Variants in EPHA4 observed in about 807,000 individuals in gnomAD.
EPHA4 encodes the protein EPH receptor A4.
A neutral mutation model predicts 108.3 loss-of-function variants in EPHA4; 19 were observed. The observed-to-expected ratio is 0.18, with a 90% CI of 0.12 to 0.26. The LOEUF (loss-of-function observed/expected upper bound fraction) is 0.26, where lower values mean the gene tolerates loss of function less well. Ranked by LOEUF, EPHA4 falls within the 10% of genes least tolerant of loss-of-function variation. The pLI is 1.00. For synonymous variants in EPHA4, 449 were observed against 455.5 expected, an observed-to-expected ratio of 0.99 and a Z score of 0.18; for missense variants, 917 against 1,254.0, an observed-to-expected ratio of 0.73 and a Z score of 4.06.
chr2:221,457,909 G>C lies in EPHA4; in HGVS notation c.1400C>G (p.Pro467Arg). 1 of 1,613,806 alleles carries C rather than the reference G, an allele frequency of 6.2e-7. No homozygotes were observed. Among genetic ancestry groups the C allele is most frequent in the Non-Finnish European group, 8.5e-7 (1 of 1,179,818 alleles). ...TTCATATTCCAGGATTACCCCATTG[G>C]GCCGATCTGGTTCCAGCCAAGCCAG... is the stretch of plus-strand genomic sequence containing the variant. ...VALAWLEPDR[P>R]NGVILEYEVK... is the part of the protein sequence containing the mutation. The change falls in exon 6 of 18, where the codon CCC becomes CGC. Residue 467 changes from proline (P) to arginine (R), a missense_variant. Around this residue, in one of 3 missense-constraint regions of EPHA4, gnomAD observed 758 missense variants for 1,076.7 expected, o/e 0.70. Transcript: ENST00000281821.
At chr2:221,485,871 C>T (rs1423738256) in intron 4 of EPHA4, among the ~76,000 whole-genome samples, 2 of 152,028 alleles carry the variant, frequency 1.3e-5, no homozygotes, top group Non-Finnish European at 2.9e-5. Flanking sequence ...TACCGAACTG[C>T]AGCATCTTGG....
At chr2:221,424,912 G>A (rs1052084208) in intron 17 of EPHA4, among the ~76,000 whole-genome samples, 7 of 152,176 alleles carry the variant, frequency 4.6e-5, no homozygotes, top group African/African-American at 1.7e-4. Context: ...GACAGGAGGA[G>A]CCCTTCGTGA....
At chr2:221,472,457 C>T (rs1691517814) in intron 5 of EPHA4, among the ~76,000 whole-genome samples, 1 of 152,106 alleles carries the variant, frequency 6.6e-6, no homozygotes, top group African/African-American at 2.4e-5. Flanking sequence ...GCTTGGAACA[C>T]ACTGTGAGTC....
intron 3 of EPHA4, among the ~76,000 whole-genome samples, chr2:221,533,614 C>T (rs1289965719): frequency 1.3e-5 from 2 of 149,990 alleles, no homozygotes; most frequent in Non-Finnish European, 2.9e-5. Context: ...GAGTTCCAGT[C>T]TATGGAGTTT....
chr2:221,426,198 T>C, intron 16 of EPHA4, 56 bp from the exon 17 acceptor site: 1 of 1,465,718 alleles, frequency 6.8e-7, no homozygotes, highest in Middle Eastern at 1.7e-4. Flanking sequence ...TGACAATCTC[T>C]TTTCTTGGGC....
chr2:221,428,670 C>T (rs764607632), intron 15 of EPHA4, among the ~76,000 whole-genome samples: 3 of 152,182 alleles, frequency 2.0e-5, no homozygotes, highest in African/African-American at 4.8e-5. Context: ...ATTTCACCCT[C>T]CTGGAGAACA....
chr2:221,549,895 G>A (rs991344453), intron 3 of EPHA4, among the ~76,000 whole-genome samples: 1 of 152,202 alleles, frequency 6.6e-6, no homozygotes, highest in Admixed American at 6.5e-5. Flanking sequence ...GGAGGCTGAG[G>A]CAGGGGAATT....
At chr2:221,545,767 A>G (rs1056249723) in intron 3 of EPHA4, among the ~76,000 whole-genome samples, 1 of 152,118 alleles carries the variant, frequency 6.6e-6, no homozygotes, top group African/African-American at 2.4e-5. Context: ...CCGGCAGTAC[A>G]CACATTCACA....
At chr2:221,511,097 T>C (rs1166269683) in intron 3 of EPHA4, among the ~76,000 whole-genome samples, 1 of 152,202 alleles carries the variant, frequency 6.6e-6, no homozygotes, top group African/African-American at 2.4e-5. Context: ...AGTGATAGGC[T>C]TCTGTATTTT....
At chr2:221,508,502 C>A (rs1559271706) in intron 3 of EPHA4, among the ~76,000 whole-genome samples, 1 of 151,598 alleles carries the variant, frequency 6.6e-6, no homozygotes, top group Non-Finnish European at 1.5e-5. Context: ...TCACTTGAAC[C>A]CGGGAGACTG....
At chr2:221,447,122 T>A (rs375465899) in intron 8 of EPHA4, among the ~76,000 whole-genome samples, 1 of 152,148 alleles carries the variant, frequency 6.6e-6, no homozygotes, top group Non-Finnish European at 1.5e-5. Flanking sequence ...CTTAAAGGAA[T>A]CAGAAAGTCA....
chr2:221,490,230 G>T (rs1692101228), intron 4 of EPHA4, among the ~76,000 whole-genome samples: 2 of 131,592 alleles, frequency 1.5e-5, no homozygotes, highest in Non-Finnish European at 3.3e-5. Flanking sequence ...AATAAAGAGA[G>T]AAAAAATGGC....
intron 3 of EPHA4, among the ~76,000 whole-genome samples, chr2:221,537,102 C>T (rs928236126): frequency 1.3e-5 from 2 of 152,164 alleles, no homozygotes; most frequent in East Asian, 3.9e-4. Flanking sequence ...TTCATTCATT[C>T]CTTTCAATAA....
Position 221,420,143 on chromosome 2 carries a change from G to C in EPHA4, c.*1229C>G, listed in dbSNP as rs900945372. Reference sequence around the variant, plus strand: ...GTTTTGTGTGGTTGCACCTGACCTGGTGTCCATAGTAAGACCTGTAGCATT... The same window carrying C: ...GTTTTGTGTGGTTGCACCTGACCTGCTGTCCATAGTAAGACCTGTAGCATT... On this transcript the variant is annotated 3_prime_UTR_variant, in exon 18 of 18. Coordinates refer to ENST00000281821, the MANE Select transcript of EPHA4 (RefSeq NM_004438.5). 6.6e-6 allele frequency: 1 copy of C among 152,640 alleles called. No homozygotes were observed. Among genetic ancestry groups the C allele is most frequent in the African/African-American group, 2.4e-5 (1 of 41,452 alleles). 9.5% of individuals were successfully genotyped at this position (152,640 alleles called of 1,614,324 possible).
At chr2:221,556,256 C>G (rs925955109) in intron 3 of EPHA4, among the ~76,000 whole-genome samples, 38 of 151,978 alleles carry the variant, frequency 2.5e-4, no homozygotes, top group Non-Finnish European at 3.4e-4. Context: ...TTGTCCAAAA[C>G]AAAAGTAAAC....
At chr2:221,552,391 G>A (rs1275244855) in intron 3 of EPHA4, among the ~76,000 whole-genome samples, 1 of 152,174 alleles carries the variant, frequency 6.6e-6, no homozygotes, top group Non-Finnish European at 1.5e-5. Context: ...CAAATGGCCA[G>A]CGGAGAAGCG....
At chr2:221,500,936 G>T in intron 4 of EPHA4, 81 bp downstream of exon 4, 1 of 1,410,078 alleles carries the variant, frequency 7.1e-7, no homozygotes, top group South Asian at 1.5e-5. Context: ...GATTATCCCA[G>T]GAGAAGACCT....
intron 5 of EPHA4, among the ~76,000 whole-genome samples, chr2:221,463,131 T>C (rs1691200199): frequency 6.6e-6 from 1 of 152,188 alleles, no homozygotes; most frequent in Non-Finnish European, 1.5e-5. Context: ...TGGAGAGCCC[T>C]TTGCAGTCAT....
chr2:221,511,525 T>A (rs979707931), intron 3 of EPHA4, among the ~76,000 whole-genome samples: 1 of 128,512 alleles, frequency 7.8e-6, no homozygotes, highest in Non-Finnish European at 1.8e-5. Context: ...GATTTCTGTA[T>A]GTCACTTCCC....
Sources: allele counts gnomAD v4.1 joint callset (sites outside exome capture counted in the v4.1 genomes callset), GRCh38; gene constraint gnomAD v4.1.1; regional missense constraint gnomAD v4.1.1; transcripts MANE v1.5; gene names NCBI Gene and HGNC (gene_info 2026-07-23, HGNC 2026-07-21).